Variants in STPG2 observed in about 807,000 individuals in gnomAD.
The protein encoded by STPG2 is sperm-tail PG-rich repeat-containing protein 2.
STPG2 carries 56 observed loss-of-function variants against 54.2 expected under a neutral mutation model. The observed-to-expected ratio is 1.03, with a 90% CI of 0.83 to 1.29. The LOEUF is 1.29. STPG2 is among the 50% of genes most tolerant of loss of function. The pLI is 0.00. For missense variants in STPG2, 596 were observed against 544.9 expected (o/e 1.09, Z -0.93); for synonymous variants, 200 against 181.8 (o/e 1.10, Z -0.81).
intron 10 of STPG2, among the ~76,000 whole-genome samples, chr4:97,563,390 C>A (rs1422578965): frequency 6.6e-6 from 1 of 152,150 alleles, no homozygotes; most frequent in African/African-American, 2.4e-5. Context: ...AAAAAACCAG[C>A]TCCTGGATTC....
At chr4:98,107,116 A>G (rs775174308) in intron 4 of STPG2, among the ~76,000 whole-genome samples, 23 of 152,172 alleles carry the variant, frequency 1.5e-4, no homozygotes, top group Non-Finnish European at 2.9e-4. Flanking sequence ...CAAACCTCAG[A>G]AAGGTTTATG....
At chr4:97,838,272 A>T (rs1005329684) in intron 9 of STPG2, among the ~76,000 whole-genome samples, 1 of 151,470 alleles carries the variant, frequency 6.6e-6, no homozygotes, top group African/African-American at 2.4e-5. Context: ...TACTAAGAAC[A>T]TTATGATATG....
chr4:97,926,113 T>C (rs1271958674), intron 8 of STPG2, among the ~76,000 whole-genome samples: 1 of 152,184 alleles, frequency 6.6e-6, no homozygotes, highest in Non-Finnish European at 1.5e-5. Context: ...AATGTATCTT[T>C]ATGCATTTTG....
chr4:97,444,009 C>T (rs1297598106), intron 4 of STPG2, among the ~76,000 whole-genome samples: 1 of 151,990 alleles, frequency 6.6e-6, no homozygotes, highest in Non-Finnish European at 1.5e-5. Context: ...AATTACAGAA[C>T]TGAAAATGTT....
intron 8 of STPG2, among the ~76,000 whole-genome samples, chr4:97,893,992 T>C (rs1730862964): frequency 6.6e-6 from 1 of 152,004 alleles, no homozygotes; most frequent in Non-Finnish European, 1.5e-5. Flanking sequence ...AAAATTAAAA[T>C]ATGTTTTCTT....
At chr4:97,626,036 A>G (rs2148928486) in intron 10 of STPG2, among the ~76,000 whole-genome samples, 1 of 152,342 alleles carries the variant, frequency 6.6e-6, no homozygotes, top group Non-Finnish European at 1.5e-5. Context: ...ACATTTACTT[A>G]CACGGTCTGA....
chr4:97,624,647 TG>T (rs1734094522), intron 10 of STPG2, among the ~76,000 whole-genome samples: 1 of 152,200 alleles, frequency 6.6e-6, no homozygotes, highest in Non-Finnish European at 1.5e-5. Context: ...TGTCAATTTT[TG>T]TTTTTGTTGC....
chr4:97,663,336 T>C (rs1411910989), intron 10 of STPG2, among the ~76,000 whole-genome samples: 4 of 152,124 alleles, frequency 2.6e-5, no homozygotes, highest in Non-Finnish European at 5.9e-5. Context: ...TTTTCAAAAG[T>C]AAAATAAAAT....
At chr4:97,820,194 C>CATAT (rs1221048108) in intron 9 of STPG2, among the ~76,000 whole-genome samples, 3 of 152,106 alleles carry the variant, frequency 2.0e-5, no homozygotes, top group African/African-American at 7.2e-5. Context: ...GAGGGCAACA[C>CATAT]AAACCATGCA....
At chr4:97,549,088 A>G (rs1560654914) in intron 4 of STPG2, among the ~76,000 whole-genome samples, 1 of 152,218 alleles carries the variant, frequency 6.6e-6, no homozygotes, top group Non-Finnish European at 1.5e-5. Flanking sequence ...CAGACATGGT[A>G]TTGAATGACT....
At chr4:97,970,208 A>T (rs1734274475) in intron 7 of STPG2, among the ~76,000 whole-genome samples, 1 of 152,180 alleles carries the variant, frequency 6.6e-6, no homozygotes, top group African/African-American at 2.4e-5. Flanking sequence ...AGGAAGAATC[A>T]ATATTGTGAA....
At chr4:97,799,546 A>T (rs1176218236) in intron 9 of STPG2, among the ~76,000 whole-genome samples, 3 of 152,170 alleles carry the variant, frequency 2.0e-5, no homozygotes, top group South Asian at 4.1e-4. Flanking sequence ...TTCTGCCGAG[A>T]GATCCGCTGT....
At chr4:98,133,537 G>A (rs1342980276) in intron 2 of STPG2, among the ~76,000 whole-genome samples, 4 of 151,928 alleles carry the variant, frequency 2.6e-5, no homozygotes, top group Non-Finnish European at 1.5e-5. Context: ...ATTTTAAAAA[G>A]ATCAGAATTT....
Position 97,666,382 on chromosome 4 carries a change from T to C in STPG2, c.1320+46317A>G, listed in dbSNP as rs148896795. On this transcript the variant is annotated intron_variant, in intron 10 of 10. Transcript: ENST00000295268. ...TTTCCTAGAACATGCAATGTTACCATGCAACTCTCTCATTGATTTAAGATT... is the reference window on the plus strand; with the variant it reads ...TTTCCTAGAACATGCAATGTTACCACGCAACTCTCTCATTGATTTAAGATT... 3.5e-3 allele frequency among the ~76,000 whole-genome samples: 535 copies of C among 152,332 alleles called. 4 individuals carry two copies. The highest frequency in any genetic ancestry group is 0.013 in the African/African-American group (525 of 41,592).
At chr4:97,963,160 AAAAC>A (rs36002563) in intron 7 of STPG2, among the ~76,000 whole-genome samples, 3,612 of 150,264 alleles carry the variant, frequency 0.024, 127 homozygotes, top group African/African-American at 0.078. Flanking sequence ...CTCCATCTCA[AAAAC>A]AAACAAACAA....
chr4:97,499,478 A>G (rs990634529), intron 4 of STPG2, among the ~76,000 whole-genome samples: 1 of 146,968 alleles, frequency 6.8e-6, no homozygotes, highest in Non-Finnish European at 1.5e-5. Flanking sequence ...ATTTACACTA[A>G]AATAGAGACA....
chr4:97,820,076 T>G (rs1374099787), intron 9 of STPG2, among the ~76,000 whole-genome samples: 2 of 152,166 alleles, frequency 1.3e-5, no homozygotes, highest in Non-Finnish European at 2.9e-5. Context: ...TGTCTCAACG[T>G]CACATTTTGG....
At chr4:97,722,447 A>T (rs1196878368) in intron 9 of STPG2, among the ~76,000 whole-genome samples, 1 of 152,154 alleles carries the variant, frequency 6.6e-6, no homozygotes, top group Non-Finnish European at 1.5e-5. Flanking sequence ...TTCATCATTA[A>T]AATCAGAGCC....
At chr4:97,716,810 ACGTG>A (rs1724305128) in intron 9 of STPG2, among the ~76,000 whole-genome samples, 1 of 151,652 alleles carries the variant, frequency 6.6e-6, no homozygotes, top group Admixed American at 6.6e-5. Flanking sequence ...GCCTATGGCC[ACGTG>A]CCATGGTGGT....
Sources: gnomAD v4.1 joint callset for allele counts (sites outside exome capture counted in the v4.1 genomes callset) on GRCh38, gnomAD v4.1.1 for gene constraint, MANE v1.5 for transcripts, NCBI Gene and HGNC (gene_info 2026-07-23, HGNC 2026-07-21) for gene names.